FRMD6: variants seen among roughly 807,000 people sequenced by gnomAD.
FRMD6 encodes FERM domain containing 6, also known as FERM domain-containing protein 6.
A neutral mutation model predicts 73.2 loss-of-function variants in FRMD6; 37 were observed. The observed-to-expected ratio is 0.51, with a 90% CI of 0.39 to 0.66. The LOEUF (loss-of-function observed/expected upper bound fraction) is 0.66, where lower values mean the gene tolerates loss of function less well. Ranked by LOEUF, FRMD6 falls within the 30% of genes least tolerant of loss-of-function variation. FRMD6 has a pLI of 0.00. For missense variants in FRMD6, 714 were observed against 780.5 expected, an observed-to-expected ratio of 0.91 and a Z score of 1.02; for synonymous variants, 273 against 282.2, an observed-to-expected ratio of 0.97 and a Z score of 0.33.
At chr14:51,573,696 C>T (rs995100363) in intron 2 of FRMD6, among the ~76,000 whole-genome samples, 3 of 152,128 alleles carry the variant, frequency 2.0e-5, no homozygotes, top group East Asian at 3.9e-4. Flanking sequence ...AGACAGTCCC[C>T]GTGTCTCAAA....
intron 1 of FRMD6, among the ~76,000 whole-genome samples, chr14:51,506,567 G>T (rs1364444151): frequency 1.3e-5 from 2 of 152,188 alleles, no homozygotes; most frequent in South Asian, 4.1e-4. Context: ...GGAGGAAAAT[G>T]GGTGTTTTCA....
rs1327731687 is a variant in FRMD6, at chr14:51,689,678, G to A, written c.-146-13G>A. The A allele has an allele frequency of 2.4e-5, 15 of 621,156 alleles. No homozygotes were observed. The East Asian group carries it at 4.1e-4, about 17-fold the overall frequency. The allele number at this position is 621,156 out of a possible 1,614,324, so 38.5% of individuals were successfully genotyped here. ...GCCTTTCTTCAGGAGTCTCCCCTTT[G>A]GCTTTTTCACAGCTATGAAACCCAC... On this transcript the variant is annotated splice_polypyrimidine_tract_variant and intron_variant, in intron 1 of 13. Transcript: ENST00000344768.
chr14:51,438,730 C>T, the FRMD6 span, among the ~76,000 whole-genome samples: 2 of 152,162 alleles, frequency 1.3e-5, no homozygotes, highest in East Asian at 3.8e-4. Flanking sequence ...ACGTTGTGCC[C>T]TTGATTTTTA....
the FRMD6 span, among the ~76,000 whole-genome samples, chr14:51,431,027 T>C: frequency 1.3e-5 from 2 of 152,218 alleles, no homozygotes; most frequent in Non-Finnish European, 2.9e-5. Context: ...TATGAGGATA[T>C]GTATATGCTG....
chr14:51,480,668 A>T, the FRMD6 span, among the ~76,000 whole-genome samples: 1 of 152,172 alleles, frequency 6.6e-6, no homozygotes, highest in African/African-American at 2.4e-5. Flanking sequence ...GACACCGTAC[A>T]TCTAGCTGAT....
At chr14:51,616,605 A>T (rs966238932) in intron 2 of FRMD6, among the ~76,000 whole-genome samples, 1 of 152,134 alleles carries the variant, frequency 6.6e-6, no homozygotes. Flanking sequence ...TTTGGGGCTG[A>T]TCCTAAGGTG....
chr14:51,421,448 TA>T, the FRMD6 span, among the ~76,000 whole-genome samples: 1 of 152,106 alleles, frequency 6.6e-6, no homozygotes, highest in African/African-American at 2.4e-5. Flanking sequence ...GCCATTGAGT[TA>T]AAAAAAGAGT....
At chr14:51,444,514 G>A in the FRMD6 span, among the ~76,000 whole-genome samples, 63 of 152,336 alleles carry the variant, frequency 4.1e-4, no homozygotes, top group African/African-American at 1.4e-3. Context: ...TTAGCAATGT[G>A]TGTGTTCAGT....
At chr14:51,527,831 A>C (rs1419571686) in intron 1 of FRMD6, among the ~76,000 whole-genome samples, 2 of 152,190 alleles carry the variant, frequency 1.3e-5, no homozygotes, top group Non-Finnish European at 2.9e-5. Flanking sequence ...CTGCAGTCAA[A>C]TATGATCCCT....
At chr14:51,518,653 G>C (rs967286332) in intron 1 of FRMD6, among the ~76,000 whole-genome samples, 3 of 152,106 alleles carry the variant, frequency 2.0e-5, no homozygotes, top group African/African-American at 7.2e-5. Context: ...TATTTTCCTT[G>C]TGACCTTTCT....
chr14:51,663,461 A>C (rs7149556), intron 1 of FRMD6, among the ~76,000 whole-genome samples: 118,648 of 152,146 alleles, frequency 0.78, 46,628 homozygotes, highest in Non-Finnish European at 0.84. Flanking sequence ...ATGTCCTTTG[A>C]GGTAACATGG....
Position 51,693,889 on chromosome 14 carries a change from C to T in FRMD6, c.99+3954C>T, listed in dbSNP as rs74052683. On this transcript the variant is annotated intron_variant, in intron 2 of 13. Coordinates refer to ENST00000344768, the MANE Select transcript of FRMD6 (RefSeq NM_001267046.2). ...CGTAGGATGGAGGCTTCCCCACTAC[C>T]AGAAAAACAATTCATGGCTGCCAAG... is the stretch of plus-strand genomic sequence containing the variant. Among the ~76,000 whole-genome samples, 1,380 of 152,258 alleles carry T rather than the reference C, an allele frequency of 9.1e-3. 20 individuals carry two copies. Among genetic ancestry groups the T allele is most frequent in the African/African-American group, 0.032 (1,316 of 41,544 alleles).
At chr14:51,700,935 A>C (rs1230954144) in intron 3 of FRMD6, 121 bp from the exon 4 acceptor site, 3 of 463,780 alleles carry the variant, frequency 6.5e-6, no homozygotes, top group Non-Finnish European at 1.2e-5. Context: ...GTTTTCTAGT[A>C]TGTGCATTCA....
intron 1 of FRMD6, among the ~76,000 whole-genome samples, chr14:51,519,384 G>A (rs57419118): frequency 0.053 from 8,003 of 151,968 alleles, 402 homozygotes; most frequent in African/African-American, 0.13. Flanking sequence ...TTCTAACCTC[G>A]GGTGACCCAC....
At chr14:51,568,672 T>C (rs1596619870) in intron 1 of FRMD6, among the ~76,000 whole-genome samples, 1 of 152,106 alleles carries the variant, frequency 6.6e-6, no homozygotes, top group East Asian at 1.9e-4. Context: ...AGGAGAAGTA[T>C]GGAAACAATG....
chr14:51,500,336 G>C (rs551038681), intron 1 of FRMD6, among the ~76,000 whole-genome samples: 3 of 152,228 alleles, frequency 2.0e-5, no homozygotes, highest in African/African-American at 7.2e-5. Flanking sequence ...AGACCAGCTT[G>C]ACCTACATGG....
At position 51,550,580 on chromosome 14, in the gene FRMD6, A is replaced by AAC. The variant is rs1555374769; in HGVS notation, c.-209-19768_-209-19767insAC. 2.7e-3 allele frequency among the ~76,000 whole-genome samples: 399 copies of AAC among 148,108 alleles called. 1 individual carries two copies. The highest frequency in any genetic ancestry group is 4.3e-3 in the Non-Finnish European group (285 of 67,054). ...TCATCAGAGGGCAGCTTGGGAGGAGACCCCCCCGCCATGCTTATAGCTTGA... is the reference window on the plus strand; with the variant it reads ...TCATCAGAGGGCAGCTTGGGAGGAGAACCCCCCCCGCCATGCTTATAGCTTGA... On this transcript the variant is annotated intron_variant, in intron 1 of 14. Coordinates refer to the FRMD6 transcript ENST00000356218.
At chr14:51,487,647 T>C (rs2140155302), upstream of FRMD6, among the ~76,000 whole-genome samples, 1 of 152,364 alleles carries the variant, frequency 6.6e-6, no homozygotes, top group South Asian at 2.1e-4. Flanking sequence ...CGCATTATTT[T>C]TTAAAAATAT....
At chr14:51,425,024 G>C in the FRMD6 span, among the ~76,000 whole-genome samples, 3 of 152,276 alleles carry the variant, frequency 2.0e-5, no homozygotes, top group East Asian at 5.8e-4. Context: ...AGGGAATTCC[G>C]GGTCATGGTT....
Sources: allele counts gnomAD v4.1 joint callset (sites outside exome capture counted in the v4.1 genomes callset), GRCh38; gene constraint gnomAD v4.1.1; transcripts MANE v1.5; gene names NCBI Gene and HGNC (gene_info 2026-07-23, HGNC 2026-07-21).